RAP1GAP2: variants seen among roughly 807,000 people sequenced by gnomAD.
RAP1GAP2 encodes the protein RAP1 GTPase activating protein 2.
RAP1GAP2 carries 27 observed loss-of-function variants against 95.0 expected under a neutral mutation model. That is an observed-to-expected ratio of 0.28 (90% confidence interval 0.21 to 0.39). The LOEUF (loss-of-function observed/expected upper bound fraction) is 0.39. RAP1GAP2 is among the 10% of genes least tolerant of loss of function. RAP1GAP2 has a pLI of 1.00. For synonymous variants in RAP1GAP2, 373 were observed against 380.9 expected (o/e 0.98, Z 0.24); for missense variants, 771 against 970.0 (o/e 0.79, Z 2.72).
In RAP1GAP2 at chr17:3,008,086, G is replaced by T; in HGVS notation, c.1435G>T (p.Gly479Cys). The change falls in exon 17 of 25, where the codon GGC (glycine) becomes TGC (cysteine). Residue 479 changes from glycine (G) to cysteine (C), a missense_variant. Coordinates refer to ENST00000254695, the MANE Select transcript of RAP1GAP2 (RefSeq NM_015085.5). The surrounding 1 kb of genome is among the most constrained non-coding windows in gnomAD (Gnocchi z 4.2). ...HAHTQAMLGL[G>C]PEEDKFENGG... ...CCACACACAGGCCATGCTGGGACTG[G>T]GCCCAGAGGAGGACAAGTTTGAGAA... 1 of 1,613,994 alleles carries T rather than the reference G, an allele frequency of 6.2e-7. No homozygotes were observed. The highest frequency in any genetic ancestry group is 8.5e-7 in the Non-Finnish European group (1 of 1,179,878).
chr17:2,791,764 C>G (rs2151464643), upstream of RAP1GAP2, among the ~76,000 whole-genome samples: 1 of 152,164 alleles, frequency 6.6e-6, no homozygotes, highest in African/African-American at 2.4e-5. Context: ...CCGCTGGCTG[C>G]TGAGAGTCAG....
At chr17:3,031,103 C>A in intron 23 of RAP1GAP2, 105 bp downstream of exon 23, 1 of 1,268,604 alleles carries the variant, frequency 7.9e-7, no homozygotes, top group South Asian at 1.3e-5. Flanking sequence ...GGGGGCTCCC[C>A]GAAGGAGGCA....
chr17:2,800,821 T>TTTTTTC (rs924682141), intron 2 of RAP1GAP2, among the ~76,000 whole-genome samples: 5 of 149,462 alleles, frequency 3.3e-5, no homozygotes, highest in Non-Finnish European at 7.4e-5. Flanking sequence ...CATTATTCTT[T>TTTTTTC]TTTTTCTTTT....
chr17:2,908,860 C>T (rs903342556), intron 3 of RAP1GAP2, among the ~76,000 whole-genome samples: 25 of 152,032 alleles, frequency 1.6e-4, no homozygotes, highest in Non-Finnish European at 4.4e-5. Flanking sequence ...CATGTGCCAC[C>T]GAGCCCAGCT....
Position 3,005,293 on chromosome 17 carries a change from G to C in RAP1GAP2, c.1201-76G>C. 7.2e-7 allele frequency: 1 copy of C among 1,392,148 alleles called. No homozygotes were observed. 86.2% of individuals were successfully genotyped at this position (1,392,148 alleles called of 1,614,324 possible). A position where few individuals can be genotyped will look rare whatever the true frequency, so the allele number is the denominator to read the frequency against. On this transcript the variant is annotated intron_variant, in intron 14 of 24. Coordinates refer to ENST00000254695, the MANE Select transcript of RAP1GAP2 (RefSeq NM_015085.5). The surrounding 1 kb of genome is among the most constrained non-coding windows in gnomAD (Gnocchi z 5.2). ...GAGGAGGGAGAAGGTGAGTAGCTTT[G>C]TAAGGAGCGTGGCTCCCGTAGGGGC... is the stretch of plus-strand genomic sequence containing the variant.
intron 1 of RAP1GAP2, among the ~76,000 whole-genome samples, chr17:2,798,326 TG>T (rs1289706456): frequency 2.0e-5 from 3 of 152,186 alleles, no homozygotes; most frequent in Non-Finnish European, 2.9e-5. Context: ...CCTGGAAGCC[TG>T]GCATGTCACA....
intron 1 of RAP1GAP2, among the ~76,000 whole-genome samples, chr17:2,761,297 T>C (rs1249543540): frequency 6.8e-6 from 1 of 147,180 alleles, no homozygotes; most frequent in Non-Finnish European, 1.5e-5. Context: ...TTCTTTTTTT[T>C]TTTTTTTTGA....
At chr17:2,869,343 C>T (rs1417698770) in intron 2 of RAP1GAP2, among the ~76,000 whole-genome samples, 4 of 150,876 alleles carry the variant, frequency 2.7e-5, no homozygotes, top group Admixed American at 6.6e-5. Context: ...AGTTCCTGTT[C>T]GGGATGATGA....
At chr17:2,779,414 A>G (rs570929391) in intron 1 of RAP1GAP2, among the ~76,000 whole-genome samples, 9 of 152,334 alleles carry the variant, frequency 5.9e-5, no homozygotes, top group African/African-American at 2.2e-4. Context: ...GTGGGTCCGC[A>G]TAAGAGGACC....
chr17:2,776,760 G>A (rs2068510156), upstream of RAP1GAP2, among the ~76,000 whole-genome samples: 1 of 150,194 alleles, frequency 6.7e-6, no homozygotes, highest in Admixed American at 6.6e-5. Flanking sequence ...GCGGCTTTGT[G>A]CGCTGGGGCC....
chr17:2,901,193 G>A (rs17762404), intron 2 of RAP1GAP2, among the ~76,000 whole-genome samples: 5,839 of 152,214 alleles, frequency 0.038, 154 homozygotes, highest in South Asian at 0.09. Flanking sequence ...GTGCTTCTAG[G>A]GAGGAAAAGA....
chr17:2,777,099 C>G (rs563278238), exon 1 of RAP1GAP2: 3 of 152,304 alleles, frequency 2.0e-5, no homozygotes, highest in African/African-American at 7.2e-5. Flanking sequence ...GCCGGTACTG[C>G]GTTCCGGAGG....
At chr17:2,770,357 G>A (rs1245211862) in exon 2 of RAP1GAP2, 1 of 398,676 alleles carries the variant, frequency 2.5e-6, no homozygotes. Flanking sequence ...GTTCCGAATC[G>A]AGGAGAGGAC....
intron 2 of RAP1GAP2, among the ~76,000 whole-genome samples, chr17:2,812,703 A>G (rs1447038101): frequency 2.6e-5 from 4 of 152,034 alleles, no homozygotes; most frequent in Non-Finnish European, 1.5e-5. Context: ...AAAAATTCTG[A>G]TGCCGGCTGG....
chr17:2,796,406 G>A (rs915992096), upstream of RAP1GAP2: 7 of 1,093,108 alleles, frequency 6.4e-6, no homozygotes, highest in Non-Finnish European at 8.1e-6. The surrounding 1 kb of genome is among the most constrained non-coding windows in gnomAD (Gnocchi z 4.7). Flanking sequence ...GAAGAGGGAG[G>A]TGCCACGCTG....
At position 3,008,556 on chromosome 17, in the gene RAP1GAP2, T is replaced by A. The variant is rs374679507; in HGVS notation, c.1494+411T>A. 6.6e-6 allele frequency among the ~76,000 whole-genome samples: 1 copy of A among 152,044 alleles called. No homozygotes were observed. Among genetic ancestry groups the A allele is most frequent in the South Asian group, 2.1e-4 (1 of 4,830 alleles). On this transcript the variant is annotated intron_variant, in intron 17 of 24. Transcript: ENST00000254695. The surrounding 1 kb of genome is among the most constrained non-coding windows in gnomAD (Gnocchi z 4.2). ...CCCTTACGGGTCTTCGTAGCTGCTG[T>A]GGGTGCCACAGTGATTCTTCCTAGC... is the stretch of plus-strand genomic sequence containing the variant.
chr17:2,904,319 C>T lies in RAP1GAP2; in HGVS notation c.81-965C>T, dbSNP rs904474427. ...CAAACCGTCTGCTTGGTGATGGGAC[C>T]GCACACAGCACTCCCCGGTCACCAG... On this transcript the variant is annotated intron_variant, in intron 2 of 24. Transcript: ENST00000254695. This position sits in a 1 kb window ranked among gnomAD's most constrained non-coding sequence, Gnocchi z 4.7. Among the ~76,000 whole-genome samples the T allele has an allele frequency of 2.6e-5, 4 of 152,052 alleles. No homozygotes were observed. The highest frequency in any genetic ancestry group is 5.9e-5 in the Non-Finnish European group (4 of 68,026).
intron 3 of RAP1GAP2, among the ~76,000 whole-genome samples, chr17:2,913,417 T>C (rs1428367602): frequency 6.6e-6 from 1 of 151,956 alleles, no homozygotes; most frequent in Non-Finnish European, 1.5e-5. Flanking sequence ...GCCTCCCGAG[T>C]AGCTGGGATT....
chr17:2,929,087 G>A (rs1201981064), intron 3 of RAP1GAP2, among the ~76,000 whole-genome samples: 2 of 152,190 alleles, frequency 1.3e-5, no homozygotes, highest in South Asian at 2.1e-4. Flanking sequence ...ACAAAAACTA[G>A]TTGGGCATGG....
Sources: allele counts gnomAD v4.1 joint callset (sites outside exome capture counted in the v4.1 genomes callset), GRCh38; gene constraint gnomAD v4.1.1; non-coding constraint Gnocchi (gnomAD v3.1); transcripts MANE v1.5; gene names NCBI Gene and HGNC (gene_info 2026-07-23, HGNC 2026-07-21).